The following WDR7 variants were observed in gnomAD, a reference collection of about 807,000 sequenced individuals.
WDR7 encodes the protein WD repeat domain 7.
In WDR7, 46 loss-of-function variants were observed where a neutral mutation model predicts 169.4. The ratio of observed to expected loss-of-function variants is 0.27; its 90% CI spans 0.21 to 0.35. The LOEUF (loss-of-function observed/expected upper bound fraction) is 0.35, where lower values mean the gene tolerates loss of function less well. Among genes scored for constraint, WDR7 ranks in the 10% least tolerant of loss-of-function variants. The pLI, the probability that WDR7 is intolerant of heterozygous loss-of-function variation, is 1.00. For synonymous variants in WDR7, 612 were observed against 666.8 expected (o/e 0.92, Z 1.27); for missense variants, 1,534 against 1,859.3 (o/e 0.83, Z 3.22).
chr18:56,694,874 A>C, intron 10 of WDR7, 76 bp from the exon 11 acceptor site: 1 of 1,545,886 alleles, frequency 6.5e-7, no homozygotes, highest in Non-Finnish European at 8.7e-7. Context: ...TGGATCAATC[A>C]ACATTATTTT....
At chr18:56,781,448 T>C (rs2044316444) in intron 18 of WDR7, 85 bp from the exon 19 acceptor site, 3 of 1,340,070 alleles carry the variant, frequency 2.2e-6, no homozygotes, top group East Asian at 2.7e-5. Flanking sequence ...TCTAGCCTTA[T>C]TTCATTATAA....
At chr18:56,965,670 A>G (rs1332132438) in intron 26 of WDR7, among the ~76,000 whole-genome samples, 3 of 152,150 alleles carry the variant, frequency 2.0e-5, no homozygotes, top group Non-Finnish European at 2.9e-5. Flanking sequence ...AGAATTGAGT[A>G]GTTGTCACTG....
intron 16 of WDR7, among the ~76,000 whole-genome samples, chr18:56,775,200 A>G (rs1031053751): frequency 1.3e-5 from 2 of 152,080 alleles, no homozygotes; most frequent in Non-Finnish European, 2.9e-5. Flanking sequence ...TTAAGAGTAA[A>G]ACCATGCAAA....
chr18:56,832,773 C>T (rs935399151), intron 20 of WDR7, among the ~76,000 whole-genome samples: 2 of 152,108 alleles, frequency 1.3e-5, no homozygotes, highest in Non-Finnish European at 2.9e-5. Flanking sequence ...AACTAACAAA[C>T]AGAAAGGAAT....
intron 19 of WDR7, among the ~76,000 whole-genome samples, chr18:56,813,952 G>A (rs917550354): frequency 5.9e-5 from 9 of 152,124 alleles, no homozygotes; most frequent in South Asian, 2.1e-4. Flanking sequence ...ATGCTTGGTA[G>A]TATTTATAAT....
At chr18:56,696,813 T>G (rs1181275835) in intron 12 of WDR7, among the ~76,000 whole-genome samples, 4 of 152,348 alleles carry the variant, frequency 2.6e-5, no homozygotes, top group Admixed American at 6.5e-5. Context: ...AATCTCATTA[T>G]TTTTGGGTCC....
intron 20 of WDR7, among the ~76,000 whole-genome samples, chr18:56,853,539 A>G (rs1027411264): frequency 2.0e-5 from 3 of 152,142 alleles, no homozygotes; most frequent in African/African-American, 7.2e-5. Flanking sequence ...ATTTCGTTTA[A>G]TCAGTCAGTC....
chr18:56,833,957 T>C (rs1399880720), intron 20 of WDR7, among the ~76,000 whole-genome samples: 3 of 152,236 alleles, frequency 2.0e-5, no homozygotes, highest in Non-Finnish European at 4.4e-5. Context: ...CTATGTCCTC[T>C]GCTCTAGGAC....
At chr18:56,999,006 A>T (rs897912309) in intron 26 of WDR7, among the ~76,000 whole-genome samples, 2 of 152,238 alleles carry the variant, frequency 1.3e-5, no homozygotes, top group African/African-American at 4.8e-5. Context: ...AATGTGTCAT[A>T]TATAAGGTAT....
intron 14 of WDR7, among the ~76,000 whole-genome samples, chr18:56,752,721 TG>T (rs1371166083): frequency 6.6e-6 from 1 of 152,190 alleles, no homozygotes; most frequent in African/African-American, 2.4e-5. Context: ...GATGCTTAAC[TG>T]TAGTATAGAA....
intron 20 of WDR7, among the ~76,000 whole-genome samples, chr18:56,862,206 A>G (rs2045814726): frequency 6.6e-6 from 1 of 151,916 alleles, no homozygotes; most frequent in Non-Finnish European, 1.5e-5. Context: ...AAGTCTGCAT[A>G]CTTTATTTTT....
chr18:56,958,019 T>C (rs2145759901), intron 25 of WDR7, among the ~76,000 whole-genome samples: 1 of 152,312 alleles, frequency 6.6e-6, no homozygotes, highest in South Asian at 2.1e-4. Flanking sequence ...ACACATTTTC[T>C]CTTATTTGCA....
intron 7 of WDR7, among the ~76,000 whole-genome samples, chr18:56,690,575 G>A (rs1245248046): frequency 1.3e-5 from 2 of 152,102 alleles, no homozygotes; most frequent in Admixed American, 6.5e-5. Flanking sequence ...AGCACTTTAG[G>A]AGGCCAGGGT....
At chr18:56,810,745 A>C (rs2044854584) in intron 19 of WDR7, among the ~76,000 whole-genome samples, 1 of 152,168 alleles carries the variant, frequency 6.6e-6, no homozygotes, top group Non-Finnish European at 1.5e-5. Flanking sequence ...TTGATCTGGA[A>C]TGTTAGAAAA....
At chr18:57,005,921 C>G (rs2145900814) in intron 26 of WDR7, among the ~76,000 whole-genome samples, 1 of 152,294 alleles carries the variant, frequency 6.6e-6, no homozygotes, top group African/African-American at 2.4e-5. Flanking sequence ...GTTGGACAAG[C>G]TTGGTCTAAA....
intron 19 of WDR7, among the ~76,000 whole-genome samples, chr18:56,805,170 A>G (rs1438414112): frequency 1.3e-5 from 2 of 152,162 alleles, no homozygotes. Flanking sequence ...AGTTAAATTG[A>G]TACCAAAATT....
intron 25 of WDR7, among the ~76,000 whole-genome samples, chr18:56,951,365 A>G (rs2145737960): frequency 1.3e-5 from 2 of 152,276 alleles, no homozygotes; most frequent in Middle Eastern, 6.8e-3. Context: ...ACAGAGAGCC[A>G]GGGCGCACAC....
intron 7 of WDR7, among the ~76,000 whole-genome samples, chr18:56,687,817 G>A (rs1016706688): frequency 1.3e-5 from 2 of 151,998 alleles, no homozygotes; most frequent in African/African-American, 2.4e-5. Flanking sequence ...TTGTAGAGAT[G>A]GGGTCTCACC....
chr18:56,679,409 A>G lies in WDR7; in HGVS notation c.237A>G (p.Lys79=). 5 of 1,612,012 alleles carry G rather than the reference A, an allele frequency of 3.1e-6. No homozygotes were observed. The highest frequency in any genetic ancestry group is 2.5e-6 in the Non-Finnish European group (3 of 1,178,306). The part of the protein sequence containing the change: ...CLSKACASSD[K]QYIVSASESG... ...CTAAAGCTTGTGCTTCCAGTGACAA[A>G]CAGTATATTGTGAGTGCATCTGAAA... The change falls in exon 3 of 28, where the codon AAA becomes AAG. Residue 79 remains lysine, a synonymous_variant. Transcript: ENST00000254442.
Sources: gnomAD v4.1 joint callset for allele counts (sites outside exome capture counted in the v4.1 genomes callset) on GRCh38, gnomAD v4.1.1 for gene constraint, MANE v1.5 for transcripts, NCBI Gene and HGNC (gene_info 2026-07-23, HGNC 2026-07-21) for gene names.